CSMD3: variants seen among roughly 807,000 people sequenced by gnomAD.
The protein encoded by CSMD3 is CUB and Sushi multiple domains 3, also known as CUB and sushi domain-containing protein 3.
A neutral mutation model predicts 435.2 loss-of-function variants in CSMD3; 177 were observed. The observed-to-expected ratio is 0.41, with a 90% confidence interval of 0.36 to 0.46. The LOEUF (loss-of-function observed/expected upper bound fraction) is 0.46, where lower values mean the gene tolerates loss of function less well. CSMD3 is among the 20% of genes least tolerant of loss of function. The pLI, the probability that CSMD3 is intolerant of heterozygous loss-of-function variation, is 0.34. For missense variants in CSMD3, 4,265 were observed against 4,504.6 expected, an observed-to-expected ratio of 0.95 and a Z score of 1.52; for synonymous variants, 1,656 against 1,520.5, an observed-to-expected ratio of 1.09 and a Z score of -2.07.
At chr8:112,868,878 A>T (rs1441041070) in intron 10 of CSMD3, among the ~76,000 whole-genome samples, 1 of 152,108 alleles carries the variant, frequency 6.6e-6, no homozygotes, top group Non-Finnish European at 1.5e-5. Context: ...TGGATTAAAG[A>T]CTTAAATGTA....
chr8:112,304,790 C>T lies in CSMD3; in HGVS notation c.8197G>A (p.Gly2733Ser), dbSNP rs2130777697. 6 of 1,613,858 alleles carry T rather than the reference C, an allele frequency of 3.7e-6. No homozygotes were observed. Among genetic ancestry groups the T allele is most frequent in the Non-Finnish European group, 5.1e-6 (6 of 1,179,854 alleles). The change falls in exon 52 of 71, where the codon GGT becomes AGT. Residue 2733 changes from glycine to serine, a missense_variant. Coordinates refer to ENST00000297405, the MANE Select transcript of CSMD3 (RefSeq NM_198123.2). ...FSCDPGYHGL[G>S]PASIECLPNG... is the part of the protein sequence containing the mutation. ...GGAAGACATTCGATGGAGGCAGGAC[C>T]TAGTCCATGATAACCAGGGTCACAG...
intron 2 of CSMD3, among the ~76,000 whole-genome samples, chr8:113,301,736 A>C (rs2093769926): frequency 6.6e-6 from 1 of 151,976 alleles, no homozygotes; most frequent in African/African-American, 2.4e-5. Flanking sequence ...ATATATTTTT[A>C]TGTTGATAAA....
chr8:113,062,534 A>G (rs927421034), intron 5 of CSMD3, among the ~76,000 whole-genome samples: 5 of 151,916 alleles, frequency 3.3e-5, no homozygotes, highest in African/African-American at 1.2e-4. Flanking sequence ...TACAATAATT[A>G]CTAATATATA....
At position 112,408,991 on chromosome 8, in the gene CSMD3, C is replaced by A; in HGVS notation, c.5437G>T (p.Asp1813Tyr). Residue 1813 changes from aspartate (D) to tyrosine (Y), a missense_variant, in exon 33 of 71, where the codon GAT becomes TAT. By Grantham distance (160) the Asp-to-Tyr change is radical. Coordinates refer to ENST00000297405, the MANE Select transcript of CSMD3 (RefSeq NM_198123.2). ...GGCCCATCATACACCTCAACAACAT[C>A]GTGGAGTGATGTCTGGAAAAATACA... is the stretch of plus-strand genomic sequence containing the variant. The part of the protein sequence containing the change: ...QFVFFQTSLH[D>Y]VVEVYDGPTQ... 1 of 1,613,446 alleles carries A rather than the reference C, an allele frequency of 6.2e-7. No individual in the cohort carries two copies. The highest frequency in any genetic ancestry group is 8.5e-7 in the Non-Finnish European group (1 of 1,179,628).
rs2131353630 is a variant in CSMD3, at chr8:112,587,158, G to A, written c.3793C>T (p.His1265Tyr). ...ACCTGAATACTATAAATGCATTCATGGTTGTTTTCATAGTTGAGTGGATAA... is the reference window on the plus strand; with the variant it reads ...ACCTGAATACTATAAATGCATTCATAGTTGTTTTCATAGTTGAGTGGATAA... The part of the protein sequence containing the change: ...PNYPLNYENN[H>Y]ECIYSIQVQA... The change falls in exon 23 of 71, where the codon CAT becomes TAT. Residue 1265 changes from histidine (H) to tyrosine (Y), a missense_variant. His to Tyr is a moderately conservative substitution (Grantham distance 83, BLOSUM62 2). Transcript: ENST00000297405. The A allele has an allele frequency of 6.2e-7, 1 of 1,609,144 alleles. No individual in the cohort carries two copies. The highest frequency in any genetic ancestry group is 8.5e-7 in the Non-Finnish European group (1 of 1,176,288).
rs546754088 is a variant in CSMD3 at position 113,222,259 on chromosome 8, T to C, written c.515-48343A>G. Reference sequence around the variant, plus strand: ...ACTTAAATTTAACCAAAAATTTTCATTGGAAATCCTAAAAATTATATTCAC... The same window carrying C: ...ACTTAAATTTAACCAAAAATTTTCACTGGAAATCCTAAAAATTATATTCAC... On this transcript the variant is annotated intron_variant, in intron 3 of 70. Transcript: ENST00000297405. Among the ~76,000 whole-genome samples, 12 of 151,228 alleles carry C rather than the reference T, an allele frequency of 7.9e-5. No individual in the cohort carries two copies. In the East Asian group the frequency reaches 2.3e-3, roughly 29 times the overall value.
At chr8:113,410,900 T>A (rs1588680566) in intron 1 of CSMD3, among the ~76,000 whole-genome samples, 1 of 105,394 alleles carries the variant, frequency 9.5e-6, no homozygotes, top group African/African-American at 4.1e-5. Flanking sequence ...CAAAACCCTG[T>A]GAAAGAAAGA....
intron 32 of CSMD3, among the ~76,000 whole-genome samples, chr8:112,443,018 A>G (rs1282428991): frequency 6.6e-6 from 1 of 152,168 alleles, no homozygotes; most frequent in Non-Finnish European, 1.5e-5. Flanking sequence ...CTTAGTCTCT[A>G]TCCTAATAAT....
intron 1 of CSMD3, among the ~76,000 whole-genome samples, chr8:113,366,346 T>A (rs2094311242): frequency 1.3e-5 from 2 of 151,960 alleles, no homozygotes; most frequent in Admixed American, 1.3e-4. Flanking sequence ...AATACATTCA[T>A]TTTGCTTCTA....
rs200381068 is a variant in CSMD3 at position 112,292,731 on chromosome 8, G to C, written c.8615-21C>G. The C allele has an allele frequency of 3.5e-3, 5,679 of 1,608,396 alleles. 16 individuals are homozygous for C. The highest frequency in any genetic ancestry group is 4.2e-3 in the Non-Finnish European group (4,973 of 1,174,968). Reference sequence around the variant, plus strand: ...AACAGCTAATAAGATGTGGCAGGAGGACAGGGAAGGAAACACAGAAAAAAA... The same window carrying C: ...AACAGCTAATAAGATGTGGCAGGAGCACAGGGAAGGAAACACAGAAAAAAA... On this transcript the variant is annotated intron_variant, in intron 54 of 70. Transcript: ENST00000297405.
intron 3 of CSMD3, among the ~76,000 whole-genome samples, chr8:113,182,459 C>T (rs1456707089): frequency 6.6e-6 from 1 of 151,120 alleles, no homozygotes; most frequent in African/African-American, 2.4e-5. Context: ...TAGGGTTGCA[C>T]TTTGGAAAGA....
At chr8:113,228,075 GGTA>G (rs2132169917) in intron 3 of CSMD3, among the ~76,000 whole-genome samples, 1 of 150,918 alleles carries the variant, frequency 6.6e-6, no homozygotes, top group South Asian at 2.1e-4. Context: ...CTTGTTTTTT[GGTA>G]TATTTTTATG....
At chr8:113,433,617 G>C (rs1052765992) in intron 1 of CSMD3, among the ~76,000 whole-genome samples, 1 of 152,230 alleles carries the variant, frequency 6.6e-6, no homozygotes, top group Admixed American at 6.5e-5. Flanking sequence ...CTGGCGTGGG[G>C]TGCGCGACGC....
chr8:112,304,631 T>C (rs554668100), intron 52 of CSMD3, 90 bp downstream of exon 52: 1 of 940,950 alleles, frequency 1.1e-6, no homozygotes, highest in South Asian at 1.3e-5. Context: ...ATCCAATTAT[T>C]GATCTAATGT....
chr8:112,911,743 G>A (rs2082422601), intron 10 of CSMD3, among the ~76,000 whole-genome samples: 1 of 145,810 alleles, frequency 6.9e-6, no homozygotes, highest in South Asian at 2.1e-4. Context: ...ATTATATTAT[G>A]TATACATTAT....
chr8:112,515,103 G>C (rs1385335937), intron 28 of CSMD3, among the ~76,000 whole-genome samples: 1 of 151,808 alleles, frequency 6.6e-6, no homozygotes, highest in East Asian at 1.9e-4. Flanking sequence ...GTCTAAAAAT[G>C]GAAATTTGTA....
intron 3 of CSMD3, among the ~76,000 whole-genome samples, chr8:113,193,511 C>G (rs998574507): frequency 3.3e-5 from 5 of 151,350 alleles, no homozygotes; most frequent in African/African-American, 1.2e-4. Context: ...CTCTCTGTTA[C>G]TACTGCTTCA....
chr8:113,181,494 T>G (rs1043958229), intron 3 of CSMD3, among the ~76,000 whole-genome samples: 1 of 152,106 alleles, frequency 6.6e-6, no homozygotes, highest in Non-Finnish European at 1.5e-5. Context: ...TCATTAGTTA[T>G]GTTGACCCAT....
At chr8:113,430,043 T>A (rs1284972395) in intron 1 of CSMD3, among the ~76,000 whole-genome samples, 1 of 152,146 alleles carries the variant, frequency 6.6e-6, no homozygotes, top group Non-Finnish European at 1.5e-5. Flanking sequence ...TTTTTCTTTT[T>A]AGCTGTGAGT....
Sources: gnomAD v4.1 joint callset for allele counts (sites outside exome capture counted in the v4.1 genomes callset) on GRCh38, gnomAD v4.1.1 for gene constraint, MANE v1.5 for transcripts, NCBI Gene and HGNC (gene_info 2026-07-23, HGNC 2026-07-21) for gene names.